SNX10: variants seen among roughly 807,000 people sequenced by gnomAD.
SNX10 encodes the protein sorting nexin-10.
Under a neutral mutation model 28.5 loss-of-function variants are expected in SNX10, and 25 were observed. The ratio of observed to expected loss-of-function variants is 0.88; its 90% CI spans 0.64 to 1.22. SNX10 has a LOEUF of 1.22. Ranked by LOEUF, SNX10 falls within the 50% of genes most tolerant of loss-of-function variation. The probability of loss-of-function intolerance (pLI) is 0.00; values close to 1 mark genes in which losing one functional copy is unlikely to be tolerated. For synonymous variants in SNX10, 62 were observed against 81.4 expected (o/e 0.76, Z 1.28); for missense variants, 223 against 242.6 (o/e 0.92, Z 0.54).
At chr7:26,297,656 C>T (rs1176891137) in intron 1 of SNX10, among the ~76,000 whole-genome samples, 1 of 152,106 alleles carries the variant, frequency 6.6e-6, no homozygotes, top group South Asian at 2.1e-4. Flanking sequence ...ATCTTTCTTC[C>T]TCTGCAGGAA....
At position 26,371,863 on chromosome 7, in the gene SNX10, C is replaced by T. The variant is rs973514478; in HGVS notation, c.354C>T (p.His118=). 10 of 1,613,468 alleles carry T rather than the reference C, an allele frequency of 6.2e-6. No individual in the cohort carries two copies. The African/African-American group carries it at 1.2e-4, about 19-fold the overall frequency. The change falls in exon 6 of 7, where the codon CAC becomes CAT. Residue 118 remains histidine (H), a synonymous_variant. Transcript: ENST00000338523. ...TTTTGCTTTCAGATAGCAGCCTTCA[C>T]CTCTTCTTACAGAGCCATCTGAATT... ...NALLLSDSSL[H]LFLQSHLNSE...
At chr7:26,354,229 G>A (rs574387724) in intron 2 of SNX10, 1 of 152,194 alleles carries the variant, frequency 6.6e-6, no homozygotes. Flanking sequence ...TTTCCCTAGT[G>A]GTTAACGATG....
chr7:26,350,617 T>A (rs1045828184), intron 2 of SNX10, among the ~76,000 whole-genome samples: 2 of 152,166 alleles, frequency 1.3e-5, no homozygotes, highest in Non-Finnish European at 2.9e-5. Flanking sequence ...GAACATTTTC[T>A]CACTCCCCAA....
rs1326710192 is a variant in SNX10, at chr7:26,372,019, T to G, written c.510T>G (p.Asp170Glu). Residue 170 changes from aspartate (D) to glutamate (E), a missense_variant, in exon 6 of 7, where the codon GAT becomes GAG. Physicochemically the swap from Asp to Glu is conservative, Grantham distance 45. Transcript: ENST00000338523. ...DEEGKKENDI[D>E]YDSESSSSGL... Reference sequence around the variant, plus strand: ...AAGGAAAAAAAGAAAATGATATAGATTATGATTCAGAAAGGTATTTCCTTG... The same window carrying G: ...AAGGAAAAAAAGAAAATGATATAGAGTATGATTCAGAAAGGTATTTCCTTG... 1 of 1,601,968 alleles carries G rather than the reference T, an allele frequency of 6.2e-7. No individual in the cohort carries two copies. The highest frequency in any genetic ancestry group is 1.1e-5 in the South Asian group (1 of 90,764).
At chr7:26,303,536 A>C (rs1786459622) in intron 1 of SNX10, among the ~76,000 whole-genome samples, 1 of 151,930 alleles carries the variant, frequency 6.6e-6, no homozygotes, top group African/African-American at 2.4e-5. Context: ...CATCATGCCG[A>C]ACTCCTCACC....
At chr7:26,348,325 C>CAT (rs1562810434) in intron 2 of SNX10, among the ~76,000 whole-genome samples, 2 of 152,234 alleles carry the variant, frequency 1.3e-5, no homozygotes, top group South Asian at 4.1e-4. Flanking sequence ...AGGTTAAGGG[C>CAT]ATAGTTCCCA....
chr7:26,328,197 G>T (rs1787580165), intron 1 of SNX10, among the ~76,000 whole-genome samples: 1 of 152,168 alleles, frequency 6.6e-6, no homozygotes, highest in African/African-American at 2.4e-5. Context: ...GGACTTAGGA[G>T]GTGTTTAGAG....
intron 1 of SNX10, among the ~76,000 whole-genome samples, chr7:26,312,946 C>A (rs1269561628): frequency 6.6e-6 from 1 of 152,138 alleles, no homozygotes; most frequent in Non-Finnish European, 1.5e-5. Flanking sequence ...AGGGAAGATA[C>A]AGGAAAACAA....
chr7:26,355,839 A>G lies in SNX10; in HGVS notation c.25-5136A>G, dbSNP rs192573414. 1.6e-3 allele frequency among the ~76,000 whole-genome samples: 248 copies of G among 152,326 alleles called. 2 individuals carry two copies. Among genetic ancestry groups the G allele is most frequent in the Admixed American group, 5.8e-3 (88 of 15,296 alleles). On this transcript the variant is annotated intron_variant, in intron 2 of 6. Coordinates refer to ENST00000338523, the MANE Select transcript of SNX10 (RefSeq NM_013322.3). Reference sequence around the variant, plus strand: ...GGAACAAGGCAGATCTGAGTTTGAAACTTAGCTCAGGCTGGTCATTTGACT... The same window carrying G: ...GGAACAAGGCAGATCTGAGTTTGAAGCTTAGCTCAGGCTGGTCATTTGACT...
intron 1 of SNX10, among the ~76,000 whole-genome samples, chr7:26,310,089 G>A (rs1400492578): frequency 2.0e-5 from 3 of 152,178 alleles, no homozygotes; most frequent in African/African-American, 7.2e-5. Flanking sequence ...ATAGAAAACA[G>A]AGGCCACTTC....
chr7:26,362,008 C>T (rs1211247097), intron 3 of SNX10, among the ~76,000 whole-genome samples: 1 of 152,234 alleles, frequency 6.6e-6, no homozygotes, highest in Non-Finnish European at 1.5e-5. Context: ...ATTATTTAAT[C>T]TTCCCATTGT....
intron 2 of SNX10, among the ~76,000 whole-genome samples, chr7:26,351,204 G>T (rs1309655092): frequency 6.6e-6 from 1 of 152,128 alleles, no homozygotes; most frequent in Non-Finnish European, 1.5e-5. Context: ...CTTAGGAAAA[G>T]AAAGAATTAG....
At chr7:26,302,516 G>A (rs1449896556) in intron 1 of SNX10, among the ~76,000 whole-genome samples, 1 of 152,184 alleles carries the variant, frequency 6.6e-6, no homozygotes, top group African/African-American at 2.4e-5. Context: ...TTTTTGTACA[G>A]CTTCTCTCTT....
At chr7:26,339,711 T>C (rs1788106275) in intron 1 of SNX10, among the ~76,000 whole-genome samples, 1 of 151,874 alleles carries the variant, frequency 6.6e-6, no homozygotes, top group Non-Finnish European at 1.5e-5. Flanking sequence ...CATGCCTGGC[T>C]AATTTTTCTA....
intron 1 of SNX10, among the ~76,000 whole-genome samples, chr7:26,325,628 A>G (rs1334755962): frequency 1.3e-5 from 2 of 151,738 alleles, no homozygotes; most frequent in Non-Finnish European, 2.9e-5. Flanking sequence ...CAGCCATCAA[A>G]TATAAATTTG....
intron 5 of SNX10, among the ~76,000 whole-genome samples, chr7:26,366,479 A>G (rs977654052): frequency 6.6e-6 from 1 of 152,150 alleles, no homozygotes; most frequent in Non-Finnish European, 1.5e-5. Context: ...AAAACATTTC[A>G]TTGTATTTTT....
At chr7:26,327,952 CA>C (rs1787570005) in intron 1 of SNX10, among the ~76,000 whole-genome samples, 2 of 151,700 alleles carry the variant, frequency 1.3e-5, no homozygotes, top group Non-Finnish European at 2.9e-5. Context: ...CAGGATGGTT[CA>C]GATCTCCTGA....
chr7:26,368,933 A>C (rs1249093654), intron 5 of SNX10, among the ~76,000 whole-genome samples: 1 of 152,184 alleles, frequency 6.6e-6, no homozygotes, highest in African/African-American at 2.4e-5. Flanking sequence ...AGTTAGGATG[A>C]AATGATTTTG....
At chr7:26,306,004 C>T (rs1055317655) in intron 1 of SNX10, among the ~76,000 whole-genome samples, 4 of 152,124 alleles carry the variant, frequency 2.6e-5, no homozygotes, top group South Asian at 2.1e-4. Flanking sequence ...AAACGATTCT[C>T]GTGCCTCAGC....
Sources: gnomAD v4.1 joint callset for allele counts (sites outside exome capture counted in the v4.1 genomes callset) on GRCh38, gnomAD v4.1.1 for gene constraint, MANE v1.5 for transcripts, NCBI Gene and HGNC (gene_info 2026-07-23, HGNC 2026-07-21) for gene names.